GALM: variants seen among roughly 807,000 people sequenced by gnomAD.
GALM encodes aldose 1-epimerase.
In GALM, 43 loss-of-function variants were observed where a neutral mutation model predicts 37.4. The observed-to-expected ratio is 1.15, with a 90% CI of 0.90 to 1.48. The LOEUF (loss-of-function observed/expected upper bound fraction) is 1.48. GALM is among the 40% of genes most tolerant of loss of function. The pLI is 0.00. For missense variants in GALM, 456 were observed against 419.1 expected, an observed-to-expected ratio of 1.09 and a Z score of -0.77; for synonymous variants, 199 against 170.6, an observed-to-expected ratio of 1.17 and a Z score of -1.30.
intron 3 of GALM, among the ~76,000 whole-genome samples, chr2:38,686,277 T>TTTCTTTCTTTCTCTCTTTCTCTCTTTCTC (rs1558582155): frequency 1.2e-4 from 14 of 112,436 alleles, no homozygotes; most frequent in Admixed American, 1.9e-4. Context: ...TCTTTCTTTC[T>TTTCTTTCTTTCTCTCTTTCTCTCTTTCTC]TATTTTGAGA....
At chr2:38,730,400 G>A (rs1271057576) in intron 5 of GALM, among the ~76,000 whole-genome samples, 1 of 152,086 alleles carries the variant, frequency 6.6e-6, no homozygotes, top group African/African-American at 2.4e-5. Context: ...CTGAGTAGCT[G>A]GGATAACAGG....
In GALM at chr2:38,694,725, T is replaced by C. The variant is rs570088509; in HGVS notation, c.634+4831T>C. 2.6e-5 allele frequency among the ~76,000 whole-genome samples: 4 copies of C among 151,468 alleles called. No individual in the cohort carries two copies. In the South Asian group the frequency reaches 8.4e-4, roughly 32 times the overall value. ...TCATGGCTAACATGGTAAAACCCCGTCTCTACTAAAAATACAAAAAAATTA... is the reference window on the plus strand; with the variant it reads ...TCATGGCTAACATGGTAAAACCCCGCCTCTACTAAAAATACAAAAAAATTA... On this transcript the variant is annotated intron_variant, in intron 4 of 6. Transcript: ENST00000272252.
At chr2:38,695,378 G>A (rs1172954234) in intron 4 of GALM, among the ~76,000 whole-genome samples, 1 of 152,210 alleles carries the variant, frequency 6.6e-6, no homozygotes, top group East Asian at 1.9e-4. Context: ...AAGAAAAGCT[G>A]TACCATTTAC....
chr2:38,731,919 C>T lies in GALM; in HGVS notation c.951+10C>T, dbSNP rs755566535. The stretch of plus-strand genomic sequence containing the variant: ...TGATGCAGTCAATCAGGTAATGCCA[C>T]AGGCTGGCTTTTCAGAGTAGAGTTG... On this transcript the variant is annotated intron_variant, in intron 6 of 6. Transcript: ENST00000272252. 2.2e-5 allele frequency: 36 copies of T among 1,612,586 alleles called. 1 individual carries two copies. In the South Asian group the frequency reaches 3.3e-4, roughly 15 times the overall value.
rs1666190390 is a variant in GALM, at chr2:38,712,431, T to G, written c.635-17125T>G. 2.0e-5 allele frequency among the ~76,000 whole-genome samples: 3 copies of G among 152,196 alleles called. No individual in the cohort carries two copies. The South Asian group carries it at 6.2e-4, about 31-fold the overall frequency. Reference sequence around the variant, plus strand: ...ATTTGTATTTGGTTCCTGGGAAACATGTTTCCTCTTCGCTTTCAGGTCTCC... The same window carrying G: ...ATTTGTATTTGGTTCCTGGGAAACAGGTTTCCTCTTCGCTTTCAGGTCTCC... On this transcript the variant is annotated intron_variant, in intron 4 of 6. Transcript: ENST00000272252.
chr2:38,681,114 A>C (rs1337572813), intron 2 of GALM, among the ~76,000 whole-genome samples, 166 bp from the exon 3 acceptor site: 1 of 149,792 alleles, frequency 6.7e-6, no homozygotes, highest in African/African-American at 2.5e-5. Context: ...TGGACAACAT[A>C]GTGAGACCCT....
chr2:38,694,279 C>T (rs539856751), intron 4 of GALM, among the ~76,000 whole-genome samples: 3 of 152,000 alleles, frequency 2.0e-5, no homozygotes, highest in South Asian at 4.1e-4. Context: ...ATATAAATAC[C>T]CAAGTGCAAC....
chr2:38,691,401 G>T lies in GALM; in HGVS notation c.634+1507G>T, dbSNP rs375337396. On this transcript the variant is annotated intron_variant, in intron 4 of 6. Coordinates refer to ENST00000272252, the MANE Select transcript of GALM (RefSeq NM_138801.3). ...GACTGCATAAAACTTGCGTTCGCTG[G>T]GTATGGTGGCTCACACCTGTAATCC... Among the ~76,000 whole-genome samples, 31 of 152,214 alleles carry T rather than the reference G, an allele frequency of 2.0e-4. No homozygotes were observed. The East Asian group carries it at 4.6e-3, about 23-fold the overall frequency.
At chr2:38,666,399 T>C in intron 1 of GALM, 48 bp downstream of exon 1, 1 of 1,398,386 alleles carries the variant, frequency 7.2e-7, no homozygotes, top group Non-Finnish European at 9.8e-7. Context: ...AGGCCCACGC[T>C]ACATACCTCC....
rs1022174476 is a variant in GALM at position 38,721,058 on chromosome 2, A to T, written c.635-8498A>T. 2.0e-5 allele frequency among the ~76,000 whole-genome samples: 3 copies of T among 152,188 alleles called. No individual in the cohort carries two copies. In the East Asian group the frequency reaches 5.8e-4, roughly 29 times the overall value. On this transcript the variant is annotated intron_variant, in intron 4 of 6. Coordinates refer to ENST00000272252, the MANE Select transcript of GALM (RefSeq NM_138801.3). ...AGGAGAGCATGTGGATGGGATCTAGACTACTGTGGCCATCTTTGAAGAATG... is the reference window on the plus strand; with the variant it reads ...AGGAGAGCATGTGGATGGGATCTAGTCTACTGTGGCCATCTTTGAAGAATG...
chr2:38,709,301 G>C (rs1378073050), intron 4 of GALM, among the ~76,000 whole-genome samples: 2 of 152,124 alleles, frequency 1.3e-5, no homozygotes, highest in Admixed American at 1.3e-4. Flanking sequence ...ACAGACAGTG[G>C]GTAACTGAAA....
intron 1 of GALM, among the ~76,000 whole-genome samples, chr2:38,666,754 T>G (rs1664951567): frequency 6.6e-6 from 1 of 152,170 alleles, no homozygotes; most frequent in Non-Finnish European, 1.5e-5. Context: ...AGAAGGAAAT[T>G]CAAATACTTG....
Position 38,686,651 on chromosome 2 carries a change from C to A in GALM, c.553-3162C>A, listed in dbSNP as rs536602530. On this transcript the variant is annotated intron_variant, in intron 3 of 6. Coordinates refer to ENST00000272252, the MANE Select transcript of GALM (RefSeq NM_138801.3). Reference sequence around the variant, plus strand: ...GTCTATCAACAGGAGAATGGATAAACAAATTGTGATACAGTCATACAACGG... The same window carrying A: ...GTCTATCAACAGGAGAATGGATAAAAAAATTGTGATACAGTCATACAACGG... Among the ~76,000 whole-genome samples the A allele has an allele frequency of 2.5e-4, 38 of 152,252 alleles. No homozygotes were observed. In the East Asian group the frequency reaches 7.1e-3, roughly 29 times the overall value.
At chr2:38,721,332 C>T (rs1271439083) in intron 4 of GALM, among the ~76,000 whole-genome samples, 1 of 152,122 alleles carries the variant, frequency 6.6e-6, no homozygotes, top group Admixed American at 6.5e-5. Context: ...GTGATCAGAT[C>T]TACTTCATCT....
At chr2:38,673,265 G>T (rs17023037) in intron 1 of GALM, among the ~76,000 whole-genome samples, 2,061 of 152,274 alleles carry the variant, frequency 0.014, 50 homozygotes, top group African/African-American at 0.047. Context: ...ATTCTCTGCT[G>T]ATCTGAAGTA....
intron 4 of GALM, among the ~76,000 whole-genome samples, chr2:38,695,959 G>A (rs1442879235): frequency 9.3e-5 from 14 of 150,504 alleles, no homozygotes; most frequent in Non-Finnish European, 1.5e-4. Context: ...TTAGCCTCCC[G>A]AAGTGCTGGG....
At chr2:38,722,744 C>G (rs1448195165) in intron 4 of GALM, among the ~76,000 whole-genome samples, 1 of 152,170 alleles carries the variant, frequency 6.6e-6, no homozygotes, top group Non-Finnish European at 1.5e-5. Context: ...TAAACCAAGG[C>G]TAGAAAAACT....
intron 3 of GALM, among the ~76,000 whole-genome samples, chr2:38,682,735 A>G (rs144479691): frequency 0.023 from 3,491 of 152,148 alleles, 134 homozygotes; most frequent in African/African-American, 0.08. Flanking sequence ...CGTCTCTACT[A>G]AAAATACAAC....
At chr2:38,699,423 T>G in intron 4 of GALM, among the ~76,000 whole-genome samples, 1 of 152,356 alleles carries the variant, frequency 6.6e-6, no homozygotes, top group Non-Finnish European at 1.5e-5. Flanking sequence ...GTTCTAGCTA[T>G]TTGAAAATAT....
Sources: gnomAD v4.1 joint callset for allele counts (sites outside exome capture counted in the v4.1 genomes callset) on GRCh38, gnomAD v4.1.1 for gene constraint, MANE v1.5 for transcripts, NCBI Gene and HGNC (gene_info 2026-07-23, HGNC 2026-07-21) for gene names.